The following IMMP2L variants were observed in gnomAD, a reference collection of about 807,000 sequenced individuals.
IMMP2L encodes the protein mitochondrial inner membrane protease subunit 2.
In IMMP2L, 18 loss-of-function variants were observed where a neutral mutation model predicts 19.3. The ratio of observed to expected loss-of-function variants is 0.93; its 90% CI spans 0.64 to 1.38. IMMP2L has a LOEUF of 1.38. IMMP2L is among the 40% of genes most tolerant of loss of function. IMMP2L has a pLI of 0.00. For missense variants in IMMP2L, 233 were observed against 218.2 expected, an observed-to-expected ratio of 1.07 and a Z score of -0.43; for synonymous variants, 76 against 73.0, an observed-to-expected ratio of 1.04 and a Z score of -0.21.
chr7:111,012,973 T>C (rs1396925531), intron 3 of IMMP2L, among the ~76,000 whole-genome samples: 1 of 152,158 alleles, frequency 6.6e-6, no homozygotes, highest in Non-Finnish European at 1.5e-5. Context: ...TTCAGCACAA[T>C]TGTACTGCAT....
chr7:111,338,717 T>C (rs896823959), intron 3 of IMMP2L, among the ~76,000 whole-genome samples: 1 of 152,094 alleles, frequency 6.6e-6, no homozygotes, highest in Admixed American at 6.6e-5. Context: ...CTCTGTGAGG[T>C]ATTATTGTCT....
At chr7:111,187,151 A>G (rs1161530160) in intron 3 of IMMP2L, among the ~76,000 whole-genome samples, 1 of 152,164 alleles carries the variant, frequency 6.6e-6, no homozygotes, top group African/African-American at 2.4e-5. Flanking sequence ...TGTGTTGCAA[A>G]GCAGTGTAAG....
intron 5 of IMMP2L, among the ~76,000 whole-genome samples, chr7:110,685,992 G>T (rs1793083187): frequency 6.6e-6 from 1 of 152,048 alleles, no homozygotes; most frequent in South Asian, 2.1e-4. Flanking sequence ...AAGGTCCATT[G>T]GAAGTATGAA....
At chr7:111,087,690 G>T (rs2129577320) in intron 3 of IMMP2L, among the ~76,000 whole-genome samples, 1 of 151,928 alleles carries the variant, frequency 6.6e-6, no homozygotes, top group South Asian at 2.1e-4. Context: ...TGCTAAAAGG[G>T]GAAACAGGTA....
intron 3 of IMMP2L, among the ~76,000 whole-genome samples, chr7:111,016,797 A>G (rs867907666): frequency 2.7e-5 from 2 of 74,490 alleles, no homozygotes; most frequent in South Asian, 8.1e-4. Flanking sequence ...ACTATATAAT[A>G]TATAATATAT....
chr7:111,037,736 C>A (rs564321378), intron 3 of IMMP2L, among the ~76,000 whole-genome samples: 2 of 152,180 alleles, frequency 1.3e-5, no homozygotes, highest in South Asian at 4.1e-4. Flanking sequence ...CTTGTTAACA[C>A]TGAACATAAA....
At chr7:110,715,090 A>G (rs538483304) in intron 5 of IMMP2L, among the ~76,000 whole-genome samples, 16 of 152,050 alleles carry the variant, frequency 1.1e-4, no homozygotes, top group African/African-American at 3.6e-4. Context: ...AGGATGCTTT[A>G]TGTTTCTGTG....
chr7:111,192,013 A>G (rs1808933558), intron 3 of IMMP2L, among the ~76,000 whole-genome samples: 2 of 152,068 alleles, frequency 1.3e-5, no homozygotes, highest in South Asian at 4.1e-4. Context: ...AGGTAATGAG[A>G]GCAAACAGAA....
intron 5 of IMMP2L, among the ~76,000 whole-genome samples, chr7:110,774,566 G>T (rs1326313044): frequency 6.6e-6 from 1 of 151,970 alleles, no homozygotes; most frequent in African/African-American, 2.4e-5. Flanking sequence ...TGACATTTTA[G>T]TCAATGATGG....
intron 5 of IMMP2L, among the ~76,000 whole-genome samples, chr7:110,885,201 G>C (rs753108971): frequency 2.0e-5 from 3 of 151,470 alleles, no homozygotes; most frequent in Non-Finnish European, 4.4e-5. Flanking sequence ...CGGAGTATTT[G>C]CACTATACTT....
chr7:111,430,229 G>A (rs546843276), intron 3 of IMMP2L, among the ~76,000 whole-genome samples: 3 of 151,694 alleles, frequency 2.0e-5, no homozygotes, highest in African/African-American at 7.3e-5. Context: ...TAATAACAAA[G>A]TAAAGAAATA....
chr7:111,056,560 T>A (rs1793526379), intron 3 of IMMP2L, among the ~76,000 whole-genome samples: 2 of 152,250 alleles, frequency 1.3e-5, no homozygotes, highest in South Asian at 4.1e-4. Flanking sequence ...ATCACAGGGT[T>A]AGAGTTGCTG....
At chr7:110,900,798 C>T (rs79836375) in intron 4 of IMMP2L, among the ~76,000 whole-genome samples, 3,502 of 152,148 alleles carry the variant, frequency 0.023, 118 homozygotes, top group African/African-American at 0.08. Context: ...TGTCTCCAAA[C>T]GTTGCCAAAT....
intron 5 of IMMP2L, among the ~76,000 whole-genome samples, chr7:110,815,732 A>G (rs1802445495): frequency 6.6e-6 from 1 of 152,096 alleles, no homozygotes; most frequent in African/African-American, 2.4e-5. Flanking sequence ...CATTTCTTCT[A>G]GATTTTCTAG....
chr7:111,045,633 C>T (rs1433332139), intron 3 of IMMP2L, among the ~76,000 whole-genome samples: 1 of 152,090 alleles, frequency 6.6e-6, no homozygotes, highest in Non-Finnish European at 1.5e-5. Flanking sequence ...CAGAGTGATG[C>T]AATATAAGAC....
In IMMP2L at chr7:110,915,621, G is replaced by A. The variant is rs549354466; in HGVS notation, c.306-28926C>T. ...ATAATAGATTTTAAGTGTACTCACTGAGGACCATCTCCCCACATACAGTAG... is the reference window on the plus strand; with the variant it reads ...ATAATAGATTTTAAGTGTACTCACTAAGGACCATCTCCCCACATACAGTAG... On this transcript the variant is annotated intron_variant, in intron 4 of 5. Transcript: ENST00000405709. Among the ~76,000 whole-genome samples, 4 of 152,248 alleles carry A rather than the reference G, an allele frequency of 2.6e-5. No homozygotes were observed. The East Asian group carries it at 7.7e-4, about 29-fold the overall frequency.
Position 110,994,015 on chromosome 7 carries a change from A to G in IMMP2L, c.240-30450T>C, listed in dbSNP as rs1363792160. Among the ~76,000 whole-genome samples, 6 of 149,384 alleles carry G rather than the reference A, an allele frequency of 4.0e-5. No homozygotes were observed. In the East Asian group the frequency reaches 7.8e-4, roughly 19 times the overall value. Reference sequence around the variant, plus strand: ...TTAGAACGTATCTTCTCTTACTTGGAAAAAAAAAAGGCTCTATTTGTCCCT... The same window carrying G: ...TTAGAACGTATCTTCTCTTACTTGGGAAAAAAAAAGGCTCTATTTGTCCCT... On this transcript the variant is annotated intron_variant, in intron 3 of 5. Transcript: ENST00000405709.
intron 1 of IMMP2L, among the ~76,000 whole-genome samples, chr7:111,529,746 T>C (rs1847218392): frequency 1.3e-5 from 2 of 152,146 alleles, no homozygotes. Context: ...TTCATGGAGA[T>C]AATTGTGACT....
chr7:110,836,796 T>C (rs1207158334), intron 5 of IMMP2L, among the ~76,000 whole-genome samples: 1 of 152,154 alleles, frequency 6.6e-6, no homozygotes, highest in Non-Finnish European at 1.5e-5. Flanking sequence ...ACATAAAGCA[T>C]TAATGAAATT....
Sources: allele counts gnomAD v4.1 joint callset (sites outside exome capture counted in the v4.1 genomes callset), GRCh38; gene constraint gnomAD v4.1.1; transcripts MANE v1.5; gene names NCBI Gene and HGNC (gene_info 2026-07-23, HGNC 2026-07-21).